Variants in PLIN2 observed in about 807,000 individuals in gnomAD.
The protein encoded by PLIN2 is perilipin-2.
In PLIN2, 33 loss-of-function variants were observed where a neutral mutation model predicts 30.6. The ratio of observed to expected loss-of-function variants is 1.08; its 90% CI spans 0.82 to 1.44. The LOEUF is 1.44. Ranked by LOEUF, PLIN2 falls within the 40% of genes most tolerant of loss-of-function variation. The probability of loss-of-function intolerance (pLI) is 0.00; values close to 1 mark genes in which losing one functional copy is unlikely to be tolerated. For missense variants in PLIN2, 610 were observed against 531.8 expected (o/e 1.15, Z -1.45); for synonymous variants, 205 against 201.1 (o/e 1.02, Z -0.16).
chr9:19,122,939 C>T (rs1818342847), intron 4 of PLIN2, among the ~76,000 whole-genome samples: 2 of 152,198 alleles, frequency 1.3e-5, no homozygotes, highest in Non-Finnish European at 2.9e-5. Flanking sequence ...TGTGAGTATA[C>T]TCTGTGATGT....
At chr9:19,113,078 C>T (rs779399492), downstream of PLIN2, among the ~76,000 whole-genome samples, 1 of 151,960 alleles carries the variant, frequency 6.6e-6, no homozygotes, top group Non-Finnish European at 1.5e-5. Flanking sequence ...CGTGGTGGCT[C>T]ACGCCTGTAA....
In PLIN2 at chr9:19,117,609, C is replaced by G. The variant is rs1320594134; in HGVS notation, c.912+712G>C. 2.0e-5 allele frequency among the ~76,000 whole-genome samples: 3 copies of G among 151,408 alleles called. No individual in the cohort carries two copies. In the East Asian group the frequency reaches 5.9e-4, roughly 30 times the overall value. On this transcript the variant is annotated intron_variant, in intron 7 of 7. Coordinates refer to ENST00000276914, the MANE Select transcript of PLIN2 (RefSeq NM_001122.4). ...CTCCAAGGCTGCCTGAGATAGTCTT[C>G]CCATATGTTTTCTTTTTTTTTTTTT...
intron 1 of PLIN2, 48 bp from the exon 2 acceptor site, chr9:19,126,496 A>T: frequency 8.1e-7 from 1 of 1,231,050 alleles, no homozygotes; most frequent in East Asian, 2.3e-5. Context: ...GACTCTCCCA[A>T]ATTCATTCCC....
intron 7 of PLIN2, among the ~76,000 whole-genome samples, chr9:19,117,644 G>A (rs1322575661): frequency 6.7e-6 from 1 of 150,164 alleles, no homozygotes; most frequent in African/African-American, 2.5e-5. Flanking sequence ...TTGAGACAGA[G>A]TCTTACTCTG....
intron 2 of PLIN2, chr9:19,108,857 A>G (rs1049171321): frequency 1.3e-5 from 2 of 152,450 alleles, no homozygotes; most frequent in Non-Finnish European, 2.9e-5. Flanking sequence ...TGCTTTGTCC[A>G]TAGCTGTGCT....
intron 2 of PLIN2, among the ~76,000 whole-genome samples, chr9:19,109,136 C>T (rs72696502): frequency 0.04 from 6,088 of 152,176 alleles, 179 homozygotes; most frequent in Non-Finnish European, 0.057. Flanking sequence ...TTGAAACAGC[C>T]ATCACAAAAC....
chr9:19,117,186 G>C (rs1210224423), intron 7 of PLIN2, among the ~76,000 whole-genome samples: 4 of 151,250 alleles, frequency 2.6e-5, no homozygotes, highest in Non-Finnish European at 5.9e-5. Flanking sequence ...TCTGAGACAG[G>C]GTCTCAGTCT....
downstream of PLIN2, among the ~76,000 whole-genome samples, chr9:19,115,370 C>T (rs965158891): frequency 4.0e-5 from 6 of 150,836 alleles, no homozygotes; most frequent in Admixed American, 3.3e-4. Flanking sequence ...CGCAGTGGCG[C>T]TATCTCGGCT....
Position 19,127,257 on chromosome 9 carries a change from G to A in PLIN2, c.-23+162C>T, listed in dbSNP as rs1368203491. On this transcript the variant is annotated intron_variant, in intron 1 of 7. Coordinates refer to ENST00000276914, the MANE Select transcript of PLIN2 (RefSeq NM_001122.4). This position sits in a 1 kb window ranked among gnomAD's most constrained non-coding sequence, Gnocchi z 4.3. The stretch of plus-strand genomic sequence containing the variant: ...AGCCAGGACCTGGAAGCCGCGAGGC[G>A]AGCGGGGGGTCTCGGACCATCACCC... Among the ~76,000 whole-genome samples the A allele has an allele frequency of 6.6e-6, 1 of 152,110 alleles. No homozygotes were observed. Among genetic ancestry groups the A allele is most frequent in the Non-Finnish European group, 1.5e-5 (1 of 68,018 alleles).
At chr9:19,114,731 TA>T (rs1054360524), downstream of PLIN2, among the ~76,000 whole-genome samples, 1 of 152,164 alleles carries the variant, frequency 6.6e-6, no homozygotes, top group African/African-American at 2.4e-5. Context: ...GACTCACTTT[TA>T]AAAACTAGTT....
downstream of PLIN2, among the ~76,000 whole-genome samples, chr9:19,114,866 A>G (rs548203474): frequency 2.0e-5 from 3 of 152,340 alleles, no homozygotes; most frequent in African/African-American, 7.2e-5. Context: ...CAGGGGGCTT[A>G]AAGTCTTTTT....
rs74512950 is a variant in PLIN2, at chr9:19,109,959, GAA to G, written n.418-1214_418-1213del. ...TAACAGAGCAAGACACTGTTTACAGGAAAAAAAAAAAAATCCCTCAAAAAATA... is the reference window on the plus strand; with the variant it reads ...TAACAGAGCAAGACACTGTTTACAGGAAAAAAAAAAATCCCTCAAAAAATA... On this transcript the variant is annotated intron_variant and non_coding_transcript_variant, in intron 2 of 2. Coordinates refer to the PLIN2 transcript ENST00000464326. 4.4e-3 allele frequency among the ~76,000 whole-genome samples: 620 copies of G among 142,184 alleles called. 3 individuals are homozygous for G. The highest frequency in any genetic ancestry group is 0.015 in the African/African-American group (594 of 39,066). 93.3% of individuals were successfully genotyped at this position (142,184 alleles called of 152,430 possible).
chr9:19,111,326 G>C (rs1818156763), downstream of PLIN2, among the ~76,000 whole-genome samples: 1 of 152,186 alleles, frequency 6.6e-6, no homozygotes, highest in South Asian at 2.1e-4. Context: ...AGGATTACAG[G>C]CATGAGCCAC....
intron 5 of PLIN2, among the ~76,000 whole-genome samples, chr9:19,120,192 A>C (rs1311297596): frequency 6.6e-6 from 1 of 151,776 alleles, no homozygotes; most frequent in Non-Finnish European, 1.5e-5. Context: ...CCGAGTAGCT[A>C]GGACTCTAGG....
At chr9:19,108,706 A>G (rs1488678031) in exon 3 of PLIN2, 1 of 152,662 alleles carries the variant, frequency 6.6e-6, no homozygotes, top group Admixed American at 6.5e-5. Context: ...CTGGAATTTC[A>G]TCAGTCTCAG....
intron 2 of PLIN2, among the ~76,000 whole-genome samples, chr9:19,110,214 G>A (rs1818140518): frequency 6.6e-6 from 1 of 151,948 alleles, no homozygotes; most frequent in Non-Finnish European, 1.5e-5. Context: ...TTTTAGTAGA[G>A]ATGGGGTTTC....
In PLIN2 at chr9:19,121,053, G is replaced by A. The variant is rs1358927548; in HGVS notation, c.422C>T (p.Thr141Ile). The A allele has an allele frequency of 6.2e-7, 1 of 1,614,124 alleles. No homozygotes were observed. The highest frequency in any genetic ancestry group is 8.5e-7 in the Non-Finnish European group (1 of 1,180,012). The change falls in exon 5 of 8, where the codon ACC becomes ATC. Residue 141 changes from threonine to isoleucine, a missense_variant. By Grantham distance (89) the Thr-to-Ile change is moderately conservative. Transcript: ENST00000276914. The part of the protein sequence containing the change: ...ASTITGVMDK[T>I]KGAVTGSVEK... ...CACACTGCCAGTCACTGCCCCTTTG[G>A]TCTTGTCCATCACCCCTGTGATCGT...
rs1243643645 is a variant in PLIN2 at position 19,127,139 on chromosome 9, G to C, written c.-23+280C>G. Among the ~76,000 whole-genome samples, 1 of 152,180 alleles carries C rather than the reference G, an allele frequency of 6.6e-6. No individual in the cohort carries two copies. Among genetic ancestry groups the C allele is most frequent in the Non-Finnish European group, 1.5e-5 (1 of 68,042 alleles). Reference sequence around the variant, plus strand: ...CACCCAAGCAGGCCAAGGGACATTCGATAGCAATCGCCCTAAATCTGTTGG... The same window carrying C: ...CACCCAAGCAGGCCAAGGGACATTCCATAGCAATCGCCCTAAATCTGTTGG... On this transcript the variant is annotated intron_variant, in intron 1 of 7. Coordinates refer to ENST00000276914, the MANE Select transcript of PLIN2 (RefSeq NM_001122.4). The surrounding 1 kb of genome is among the most constrained non-coding windows in gnomAD (Gnocchi z 4.3).
chr9:19,110,752 A>C (rs1448215327), intron 2 of PLIN2, among the ~76,000 whole-genome samples: 1 of 152,258 alleles, frequency 6.6e-6, no homozygotes, highest in Non-Finnish European at 1.5e-5. Context: ...CTGGGATTAC[A>C]GGCATGAGCT....
Sources: allele counts gnomAD v4.1 joint callset (sites outside exome capture counted in the v4.1 genomes callset), GRCh38; gene constraint gnomAD v4.1.1; non-coding constraint Gnocchi (gnomAD v3.1); transcripts MANE v1.5; gene names NCBI Gene and HGNC (gene_info 2026-07-23, HGNC 2026-07-21).